Variants in HSPB8 observed in about 807,000 individuals in gnomAD.
HSPB8 encodes heat shock protein beta-8.
Under a neutral mutation model 16.5 loss-of-function variants are expected in HSPB8, and 9 were observed. That is an observed-to-expected ratio of 0.55 (90% CI 0.33 to 0.95). The LOEUF is 0.95. Among genes scored for constraint, HSPB8 ranks in the 40% least tolerant of loss-of-function variants. The probability of loss-of-function intolerance (pLI) is 0.03; values close to 1 mark genes in which losing one functional copy is unlikely to be tolerated. For synonymous variants in HSPB8, 99 were observed against 94.8 expected (o/e 1.04, Z -0.26); for missense variants, 238 against 251.2 (o/e 0.95, Z 0.35).
intron 2 of HSPB8, among the ~76,000 whole-genome samples, chr12:119,192,886 C>A (rs1451342674): frequency 6.6e-6 from 1 of 151,998 alleles, no homozygotes; most frequent in Non-Finnish European, 1.5e-5. Flanking sequence ...GAGAACCAAG[C>A]AAAAAATCTT....
intron 2 of HSPB8, 147 bp downstream of exon 2, chr12:119,187,235 G>A: frequency 1.4e-6 from 1 of 706,502 alleles, no homozygotes. Context: ...ACCTAACGAG[G>A]AGAAAATATC....
intron 2 of HSPB8, 144 bp downstream of exon 2, chr12:119,187,232 G>C (rs955407466): frequency 1.3e-4 from 90 of 711,214 alleles, no homozygotes; most frequent in Admixed American, 2.5e-4. Flanking sequence ...CACACCTAAC[G>C]AGGAGAAAAT....
chr12:119,191,766 A>T (rs1300080389), intron 2 of HSPB8, among the ~76,000 whole-genome samples: 3 of 152,142 alleles, frequency 2.0e-5, no homozygotes, highest in Non-Finnish European at 4.4e-5. Flanking sequence ...TTCCTGCCAT[A>T]GTCCTTCTTT....
chr12:119,192,037 T>C (rs1317978579), intron 2 of HSPB8, among the ~76,000 whole-genome samples: 1 of 152,190 alleles, frequency 6.6e-6, no homozygotes, highest in East Asian at 1.9e-4. Flanking sequence ...CAGAAGGTCA[T>C]GGATTTCATG....
chr12:119,182,538 T>G (rs1017960529), intron 1 of HSPB8, among the ~76,000 whole-genome samples: 5 of 152,104 alleles, frequency 3.3e-5, no homozygotes, highest in African/African-American at 1.2e-4. Context: ...CTCAGGAGTC[T>G]GAGGCAGGAG....
At chr12:119,184,473 G>A (rs1485150139) in intron 1 of HSPB8, among the ~76,000 whole-genome samples, 2 of 152,172 alleles carry the variant, frequency 1.3e-5, no homozygotes, top group Non-Finnish European at 2.9e-5. Flanking sequence ...CAGGTCTCCC[G>A]GCGCCCTGGC....
At chr12:119,184,703 G>A (rs1179085998) in intron 1 of HSPB8, among the ~76,000 whole-genome samples, 1 of 152,216 alleles carries the variant, frequency 6.6e-6, no homozygotes, top group Non-Finnish European at 1.5e-5. Context: ...TAGAAATTCT[G>A]GAAGTTGCAT....
chr12:119,193,287 T>C (rs550977804), intron 2 of HSPB8, among the ~76,000 whole-genome samples: 6 of 152,300 alleles, frequency 3.9e-5, no homozygotes, highest in African/African-American at 1.2e-4. Context: ...TTGCGCTCTA[T>C]AAAGGGATGG....
intron 2 of HSPB8, 56 bp downstream of exon 2, chr12:119,187,144 G>C: frequency 7.1e-7 from 1 of 1,408,914 alleles, no homozygotes; most frequent in African/African-American, 1.4e-5. Flanking sequence ...GGGCACACCT[G>C]GGACCCATGA....
Position 119,194,110 on chromosome 12 carries a change from G to A in HSPB8, c.*252G>A. The A allele has an allele frequency of 1.8e-6, 1 of 540,932 alleles. No individual in the cohort carries two copies. Among genetic ancestry groups the A allele is most frequent in the Non-Finnish European group, 3.3e-6 (1 of 299,974 alleles). The allele number at this position is 540,932 out of a possible 1,614,324, so 33.5% of individuals were successfully genotyped here. On this transcript the variant is annotated 3_prime_UTR_variant, in exon 3 of 3. Coordinates refer to ENST00000281938, the MANE Select transcript of HSPB8 (RefSeq NM_014365.3). Reference sequence around the variant, plus strand: ...CTTTCTTTACCTTTTCTATCTTGATGAAAATGTTGCACATTCTATAGTTGC... The same window carrying A: ...CTTTCTTTACCTTTTCTATCTTGATAAAAATGTTGCACATTCTATAGTTGC...
At chr12:119,181,249 C>T (rs1954635168) in intron 1 of HSPB8, among the ~76,000 whole-genome samples, 1 of 152,120 alleles carries the variant, frequency 6.6e-6, no homozygotes, top group Non-Finnish European at 1.5e-5. Context: ...GTCACATGCC[C>T]AAGGTGGTCT....
chr12:119,188,117 A>C (rs1334530918), intron 2 of HSPB8, among the ~76,000 whole-genome samples: 1 of 152,174 alleles, frequency 6.6e-6, no homozygotes, highest in Non-Finnish European at 1.5e-5. Context: ...GCAGAGTTGC[A>C]CAGTGTGGTC....
At position 119,193,707 on chromosome 12, in the gene HSPB8, C is replaced by A. The variant is rs891217764; in HGVS notation, c.440C>A (p.Ala147Glu). The A allele has an allele frequency of 3.1e-6, 5 of 1,614,142 alleles. No individual in the cohort carries two copies. The highest frequency in any genetic ancestry group is 4.2e-6 in the Non-Finnish European group (5 of 1,179,970). ...TCGTGTGTTTCTCCTAGGCTTCCTG[C>A]AGAGGTGGATCCTGTGACAGTATTT... Reference protein sequence around the residue: ...KNFTKKIQLPAEVDPVTVFAS... With the variant: ...KNFTKKIQLPEEVDPVTVFAS... Residue 147 changes from alanine to glutamate, a missense_variant, in exon 3 of 3, where the codon GCA becomes GAA. Coordinates refer to ENST00000281938, the MANE Select transcript of HSPB8 (RefSeq NM_014365.3).
intron 1 of HSPB8, among the ~76,000 whole-genome samples, chr12:119,181,326 A>G (rs1036066282): frequency 6.6e-6 from 1 of 152,204 alleles, no homozygotes; most frequent in Admixed American, 6.5e-5. Flanking sequence ...TAAGAAGTAC[A>G]TTGGTTCGAT....
Position 119,194,154 on chromosome 12 carries a change from C to A in HSPB8, c.*296C>A. On this transcript the variant is annotated 3_prime_UTR_variant, in exon 3 of 3. Coordinates refer to ENST00000281938, the MANE Select transcript of HSPB8 (RefSeq NM_014365.3). ...TAGTTGCAAAACACATAAAAGGGGACTTAACATTTCACGTTGTATCTTACT... is the reference window on the plus strand; with the variant it reads ...TAGTTGCAAAACACATAAAAGGGGAATTAACATTTCACGTTGTATCTTACT... The A allele has an allele frequency of 2.3e-6, 1 of 433,814 alleles. No individual in the cohort carries two copies. Among genetic ancestry groups the A allele is most frequent in the Non-Finnish European group, 4.3e-6 (1 of 233,812 alleles). 26.9% of individuals were successfully genotyped at this position (433,814 alleles called of 1,614,324 possible).
At chr12:119,193,490 C>T (rs1429886272) in intron 2 of HSPB8, among the ~76,000 whole-genome samples, 1 of 152,226 alleles carries the variant, frequency 6.6e-6, no homozygotes, top group Non-Finnish European at 1.5e-5. Flanking sequence ...TTATTATCCT[C>T]ATTTTGCAGA....
chr12:119,192,216 T>A (rs1035685008), intron 2 of HSPB8, among the ~76,000 whole-genome samples: 6 of 152,240 alleles, frequency 3.9e-5, no homozygotes, highest in Non-Finnish European at 7.3e-5. Context: ...AAATTCCATC[T>A]TCGATGCTTT....
intron 1 of HSPB8, among the ~76,000 whole-genome samples, chr12:119,180,653 G>C (rs1954630873): frequency 6.6e-6 from 1 of 152,148 alleles, no homozygotes; most frequent in Admixed American, 6.5e-5. Flanking sequence ...ACATACTAGG[G>C]GGAAAAATGA....
chr12:119,193,652 A>G, intron 2 of HSPB8, 47 bp from the exon 3 acceptor site: 1 of 1,588,666 alleles, frequency 6.3e-7, no homozygotes. Flanking sequence ...AGAATGTTTA[A>G]GCAATATTAA....
Sources: allele counts gnomAD v4.1 joint callset (sites outside exome capture counted in the v4.1 genomes callset), GRCh38; gene constraint gnomAD v4.1.1; transcripts MANE v1.5; gene names NCBI Gene and HGNC (gene_info 2026-07-23, HGNC 2026-07-21).